Variants in LIPC observed in about 807,000 individuals in gnomAD.
LIPC encodes hepatic triacylglycerol lipase.
LIPC carries 44 observed loss-of-function variants against 50.7 expected under a neutral mutation model. That is an observed-to-expected ratio of 0.87 (90% CI 0.68 to 1.11). LIPC has a LOEUF of 1.11. Among genes scored for constraint, LIPC ranks in the 50% most tolerant of loss-of-function variants. The probability of loss-of-function intolerance (pLI) is 0.00; values close to 1 mark genes in which losing one functional copy is unlikely to be tolerated. For synonymous variants in LIPC, 271 were observed against 256.4 expected (o/e 1.06, Z -0.54); for missense variants, 697 against 648.2 (o/e 1.08, Z -0.82).
chr15:58,557,858 A>T (rs1894013407), intron 6 of LIPC, among the ~76,000 whole-genome samples: 1 of 151,934 alleles, frequency 6.6e-6, no homozygotes, highest in South Asian at 2.1e-4. Context: ...GTCCTCCCAC[A>T]TCTTACCCCC....
chr15:58,469,274 C>G (rs1894696432), intron 1 of LIPC, among the ~76,000 whole-genome samples: 15 of 152,116 alleles, frequency 9.9e-5, no homozygotes, highest in Non-Finnish European at 2.9e-5. Context: ...ACTGGGATCA[C>G]AGGCATGAAC....
chr15:58,489,211 T>G (rs1891482009), intron 1 of LIPC, among the ~76,000 whole-genome samples: 1 of 9,644 alleles, frequency 1.0e-4, no homozygotes, highest in Non-Finnish European at 3.3e-4. Context: ...GGGATTCATT[T>G]TGTTGCGGGG....
At position 58,545,590 on chromosome 15, in the gene LIPC, GT is replaced by G. The variant is rs1321261288; in HGVS notation, c.575-150del. The stretch of plus-strand genomic sequence containing the variant: ...ACTACTGTGGTTTTACTGAGAAAAG[GT>G]TACGGCGAGGTTTTCTAGGGAAGGA... On this transcript the variant is annotated intron_variant, in intron 4 of 8. Transcript: ENST00000299022. The G allele has an allele frequency of 2.7e-5, 18 of 664,244 alleles. No individual in the cohort carries two copies. The African/African-American group carries it at 3.0e-4, about 11-fold the overall frequency. 41.1% of individuals were successfully genotyped at this position (664,244 alleles called of 1,614,324 possible). A position where few individuals can be genotyped will look rare whatever the true frequency, so the allele number is the denominator to read the frequency against.
chr15:58,512,827 A>C (rs1260945669), intron 1 of LIPC, among the ~76,000 whole-genome samples: 1 of 152,134 alleles, frequency 6.6e-6, no homozygotes, highest in Non-Finnish European at 1.5e-5. Flanking sequence ...ACTTACAGTC[A>C]ATGTGAGGAA....
intron 6 of LIPC, among the ~76,000 whole-genome samples, chr15:58,557,484 A>G (rs1893997212): frequency 7.6e-6 from 1 of 130,978 alleles, no homozygotes; most frequent in Admixed American, 9.7e-5. Context: ...TCCTGGGTTC[A>G]CACCATTCTC....
chr15:58,471,975 G>T (rs762523205), intron 1 of LIPC, among the ~76,000 whole-genome samples: 2 of 152,112 alleles, frequency 1.3e-5, no homozygotes, highest in Non-Finnish European at 2.9e-5. Flanking sequence ...ACATTTACTG[G>T]GTACTTAGAT....
In LIPC at chr15:58,544,333, T is replaced by C. The variant is rs111813943; in HGVS notation, c.575-1409T>C. Among the ~76,000 whole-genome samples the C allele has an allele frequency of 3.6e-3, 548 of 152,106 alleles. 3 individuals carry two copies. Among genetic ancestry groups the C allele is most frequent in the African/African-American group, 0.013 (528 of 41,492 alleles). ...AAAGCTCAACACCCTCTTGCCGTCTTGTCATCAGCCTGATAAAGAAAGGAA... is the reference window on the plus strand; with the variant it reads ...AAAGCTCAACACCCTCTTGCCGTCTCGTCATCAGCCTGATAAAGAAAGGAA... On this transcript the variant is annotated intron_variant, in intron 4 of 8. Transcript: ENST00000299022.
At chr15:58,532,921 G>A (rs1442883485) in intron 1 of LIPC, among the ~76,000 whole-genome samples, 1 of 152,224 alleles carries the variant, frequency 6.6e-6, no homozygotes, top group African/African-American at 2.4e-5. Flanking sequence ...TATTAGAAAT[G>A]TAATGGCTGG....
chr15:58,470,768 T>C (rs560693216), intron 1 of LIPC, among the ~76,000 whole-genome samples: 2 of 151,996 alleles, frequency 1.3e-5, no homozygotes, highest in Admixed American at 1.3e-4. Context: ...CACAGCTAAT[T>C]TTTATATTTT....
chr15:58,469,299 T>C (rs570862160), intron 1 of LIPC, among the ~76,000 whole-genome samples: 5 of 152,194 alleles, frequency 3.3e-5, no homozygotes, highest in East Asian at 1.9e-4. Context: ...ATACCCACCC[T>C]AAGGAATATA....
chr15:58,458,755 T>A (rs1894225753), intron 1 of LIPC, among the ~76,000 whole-genome samples: 1 of 152,212 alleles, frequency 6.6e-6, no homozygotes, highest in African/African-American at 2.4e-5. Flanking sequence ...ATTACACATC[T>A]TATACAACTA....
At chr15:58,449,154 G>T (rs960541967) in intron 1 of LIPC, among the ~76,000 whole-genome samples, 1 of 152,194 alleles carries the variant, frequency 6.6e-6, no homozygotes, top group Non-Finnish European at 1.5e-5. Flanking sequence ...TTCCTAGATG[G>T]CTACTCAGAC....
At chr15:58,474,956 C>A (rs1343894570) in intron 1 of LIPC, among the ~76,000 whole-genome samples, 1 of 152,196 alleles carries the variant, frequency 6.6e-6, no homozygotes, top group Non-Finnish European at 1.5e-5. Context: ...GGAGAGGACA[C>A]ATCTCCAGCT....
At position 58,550,930 on chromosome 15, in the gene LIPC, G is replaced by C. The variant is rs141227171; in HGVS notation, c.1051+2358G>C. On this transcript the variant is annotated intron_variant, in intron 6 of 8. Transcript: ENST00000299022. ...TGGCTCACTGCAACCTCCACCTGCA[G>C]GGTTCAAGTGATTCTCCTGCCTCAG... is the stretch of plus-strand genomic sequence containing the variant. 2.7e-3 allele frequency among the ~76,000 whole-genome samples: 376 copies of C among 139,220 alleles called. 2 individuals are homozygous for C. Among genetic ancestry groups the C allele is most frequent in the Middle Eastern group, 0.015 (4 of 264 alleles). The allele number at this position is 139,220 out of a possible 152,430, so 91.3% of individuals were successfully genotyped here. A position where few individuals can be genotyped will look rare whatever the true frequency, so the allele number is the denominator to read the frequency against.
intron 1 of LIPC, among the ~76,000 whole-genome samples, chr15:58,467,251 T>C (rs561029534): frequency 8.5e-5 from 13 of 152,338 alleles, no homozygotes; most frequent in African/African-American, 3.1e-4. Context: ...CACTCATCCC[T>C]GACCGTAGGC....
intron 1 of LIPC, among the ~76,000 whole-genome samples, chr15:58,508,547 G>A (rs11630152): frequency 0.1 from 15,766 of 152,132 alleles, 1,044 homozygotes; most frequent in Non-Finnish European, 0.16. Context: ...CCTATAGGCC[G>A]ACCCCCCTCC....
At chr15:58,546,118 C>A in intron 5 of LIPC, 143 bp downstream of exon 5, 1 of 768,452 alleles carries the variant, frequency 1.3e-6, no homozygotes, top group Non-Finnish European at 2.2e-6. Context: ...CAAGCCCACC[C>A]AGAGAGAAGG....
At chr15:58,506,944 T>A (rs975505092) in intron 1 of LIPC, among the ~76,000 whole-genome samples, 5 of 152,136 alleles carry the variant, frequency 3.3e-5, no homozygotes, top group Admixed American at 6.5e-5. Flanking sequence ...AGCAAACACA[T>A]CCTTCCGCAA....
chr15:58,566,373 C>T, intron 8 of LIPC: 2 of 985,442 alleles, frequency 2.0e-6, no homozygotes, highest in Non-Finnish European at 2.4e-6. Context: ...TTTAACTTCA[C>T]TGCTCACAAT....
Sources: gnomAD v4.1 joint callset for allele counts (sites outside exome capture counted in the v4.1 genomes callset) on GRCh38, gnomAD v4.1.1 for gene constraint, MANE v1.5 for transcripts, NCBI Gene and HGNC (gene_info 2026-07-23, HGNC 2026-07-21) for gene names.